ZBTB44: variants seen among roughly 807,000 people sequenced by gnomAD.
The protein encoded by ZBTB44 is zinc finger and BTB domain-containing protein 44.
Under a neutral mutation model 54.0 loss-of-function variants are expected in ZBTB44, and 15 were observed. The observed-to-expected ratio is 0.28, with a 90% CI of 0.19 to 0.43. ZBTB44 has a LOEUF of 0.43. Ranked by LOEUF, ZBTB44 falls within the 20% of genes least tolerant of loss-of-function variation. The pLI, the probability that ZBTB44 is intolerant of heterozygous loss-of-function variation, is 1.00. For synonymous variants in ZBTB44, 230 were observed against 250.1 expected (o/e 0.92, Z 0.76); for missense variants, 487 against 707.1 (o/e 0.69, Z 3.53).
Position 130,242,071 on chromosome 11 carries a change from AT to A in ZBTB44, c.1019-2176del, listed in dbSNP as rs563138967. ...CATTTGCTTTCTGAACATTCTGGCT[AT>A]TTTTTGACTTCTGCATTCCTGTATA... On this transcript the variant is annotated intron_variant, in intron 2 of 7. Coordinates refer to ENST00000357899, the MANE Select transcript of ZBTB44 (RefSeq NM_001301098.2). 4.3e-4 allele frequency among the ~76,000 whole-genome samples: 66 copies of A among 152,304 alleles called. No homozygotes were observed. In the South Asian group the frequency reaches 0.013, roughly 29 times the overall value.
chr11:130,257,091 A>G lies in ZBTB44; in HGVS notation c.1018+3765T>C, dbSNP rs184409657. 1.2e-4 allele frequency among the ~76,000 whole-genome samples: 19 copies of G among 152,222 alleles called. No individual in the cohort carries two copies. The East Asian group carries it at 2.9e-3, about 23-fold the overall frequency. ...AGCAAAGTCTCGGGATACAAAATCA[A>G]TGTGCAAAAATCACAAGCGTTCCTA... On this transcript the variant is annotated intron_variant, in intron 2 of 7. Transcript: ENST00000357899.
At position 130,261,481 on chromosome 11, in the gene ZBTB44, A is replaced by T. The variant is rs1938862794; in HGVS notation, c.393T>A (p.Asn131Lys). 1.2e-6 allele frequency: 2 copies of T among 1,613,874 alleles called. No individual in the cohort carries two copies. The highest frequency in any genetic ancestry group is 1.7e-5 in the Admixed American group (1 of 60,008). Residue 131 changes from asparagine to lysine, a missense_variant, in exon 2 of 8, where the codon AAT becomes AAA. Physicochemically the swap from Asn to Lys is moderately conservative, Grantham distance 94. Transcript: ENST00000357899. The surrounding 1 kb of genome is among the most constrained non-coding windows in gnomAD (Gnocchi z 4.8). ...SEFMKSSILW[N>K]TPNSQPEKGL... Reference sequence around the variant, plus strand: ...CCTTTTCAGGTTGGCTGTTGGGTGTATTCCATAAAATGCTTGATTTCATGA... The same window carrying T: ...CCTTTTCAGGTTGGCTGTTGGGTGTTTTCCATAAAATGCTTGATTTCATGA...
intron 2 of ZBTB44, among the ~76,000 whole-genome samples, chr11:130,245,099 T>C (rs976518217): frequency 6.6e-6 from 1 of 152,170 alleles, no homozygotes; most frequent in Admixed American, 6.5e-5. Context: ...CTTTTGAAAA[T>C]ACGCAGGACT....
In ZBTB44 at chr11:130,314,521, G is replaced by A. The variant is rs759275780; in HGVS notation, c.-203C>T. The A allele has an allele frequency of 6.6e-6, 1 of 152,456 alleles. No individual in the cohort carries two copies. Among genetic ancestry groups the A allele is most frequent in the Non-Finnish European group, 1.5e-5 (1 of 67,928 alleles). 9.4% of individuals were successfully genotyped at this position (152,456 alleles called of 1,614,324 possible). A position where few individuals can be genotyped will look rare whatever the true frequency, so the allele number is the denominator to read the frequency against. On this transcript the variant is annotated 5_prime_UTR_variant, in exon 1 of 8. Transcript: ENST00000357899. Reference sequence around the variant, plus strand: ...TCTCTCCTCCCCCGGGAGGCTCAGGGGCCCCTATCTCGGGCCGCCGCGCCT... The same window carrying A: ...TCTCTCCTCCCCCGGGAGGCTCAGGAGCCCCTATCTCGGGCCGCCGCGCCT...
intron 1 of ZBTB44, among the ~76,000 whole-genome samples, chr11:130,286,733 G>A (rs1002647953): frequency 6.6e-6 from 1 of 152,168 alleles, no homozygotes; most frequent in Admixed American, 6.5e-5. Flanking sequence ...TGTCCACTAG[G>A]TAGAACAACA....
At chr11:130,241,833 G>C (rs7933236) in intron 2 of ZBTB44, among the ~76,000 whole-genome samples, 6,076 of 152,072 alleles carry the variant, frequency 0.04, 297 homozygotes, top group African/African-American at 0.11. Context: ...TAACCCATTG[G>C]AGTTGACTTT....
chr11:130,313,910 G>GTA (rs1390727860), intron 1 of ZBTB44, among the ~76,000 whole-genome samples: 1 of 133,018 alleles, frequency 7.5e-6, no homozygotes, highest in African/African-American at 2.7e-5. Flanking sequence ...GAAAAGAGGT[G>GTA]TGTGTGTGTG....
intron 1 of ZBTB44, among the ~76,000 whole-genome samples, chr11:130,294,865 G>A (rs1051279569): frequency 2.4e-4 from 36 of 152,184 alleles, no homozygotes; most frequent in Admixed American, 2.2e-3. Context: ...CTCCTTACAT[G>A]AGCAAGTAAA....
chr11:130,250,457 G>A (rs1402879647), intron 2 of ZBTB44, among the ~76,000 whole-genome samples: 1 of 152,166 alleles, frequency 6.6e-6, no homozygotes, highest in African/African-American at 2.4e-5. Context: ...CCTCAAGTGG[G>A]TCCCTGACCC....
intron 1 of ZBTB44, among the ~76,000 whole-genome samples, chr11:130,289,430 C>T (rs898228998): frequency 6.7e-6 from 1 of 148,316 alleles, no homozygotes; most frequent in African/African-American, 2.5e-5. Context: ...TGCAGTGAGC[C>T]GAGATCCCAC....
chr11:130,247,625 T>C (rs1187381196), intron 2 of ZBTB44, among the ~76,000 whole-genome samples: 5 of 152,184 alleles, frequency 3.3e-5, no homozygotes, highest in Admixed American at 6.5e-5. Context: ...GATTAGTTCA[T>C]CTGAACTGGC....
chr11:130,233,113 A>T, intron 7 of ZBTB44, 195 bp downstream of exon 7: 1 of 544,530 alleles, frequency 1.8e-6, no homozygotes, highest in Non-Finnish European at 3.2e-6. Context: ...TATATATAAA[A>T]TATAGAATAT....
intron 4 of ZBTB44, 94 bp from the exon 5 acceptor site, chr11:130,237,187 G>A (rs963795606): frequency 2.4e-6 from 3 of 1,247,664 alleles, no homozygotes; most frequent in East Asian, 2.9e-5. Context: ...TGTAGCAACA[G>A]ATCATCTGAA....
intron 2 of ZBTB44, among the ~76,000 whole-genome samples, chr11:130,251,650 C>T (rs1938014734): frequency 6.6e-6 from 1 of 152,140 alleles, no homozygotes; most frequent in Admixed American, 6.5e-5. Flanking sequence ...ATTTTCAATC[C>T]AGAATTTCAT....
chr11:130,240,041 ATTTTTT>A, intron 2 of ZBTB44, 145 bp from the exon 3 acceptor site: 3 of 321,406 alleles, frequency 9.3e-6, no homozygotes, highest in African/African-American at 2.4e-5. Context: ...AGTGTTCTAC[ATTTTTT>A]TTTTTTTTTT....
chr11:130,302,800 C>T (rs1942056688), intron 1 of ZBTB44, among the ~76,000 whole-genome samples: 1 of 152,118 alleles, frequency 6.6e-6, no homozygotes, highest in South Asian at 2.1e-4. Flanking sequence ...TGGTGAAACC[C>T]CGTCTCTACT....
At chr11:130,274,740 T>A (rs1939934524) in intron 1 of ZBTB44, among the ~76,000 whole-genome samples, 3 of 152,214 alleles carry the variant, frequency 2.0e-5, no homozygotes, top group African/African-American at 4.8e-5. Flanking sequence ...TTTAAAAAAA[T>A]ATGTTGTGGG....
intron 3 of ZBTB44, 181 bp from the exon 4 acceptor site, chr11:130,238,788 C>CTTTTTT (rs1565644578): frequency 1.5e-6 from 1 of 661,692 alleles, no homozygotes; most frequent in Admixed American, 3.7e-5. Flanking sequence ...TCCAGAATGC[C>CTTTTTT]TTTTGTTTTT....
chr11:130,244,843 G>C (rs1204192004), intron 2 of ZBTB44, among the ~76,000 whole-genome samples: 1 of 152,022 alleles, frequency 6.6e-6, no homozygotes. Flanking sequence ...CACTTGAATT[G>C]CTGTCATTAG....
Sources: gnomAD v4.1 joint callset for allele counts (sites outside exome capture counted in the v4.1 genomes callset) on GRCh38, gnomAD v4.1.1 for gene constraint, Gnocchi (gnomAD v3.1) non-coding constraint, MANE v1.5 for transcripts, NCBI Gene and HGNC (gene_info 2026-07-23, HGNC 2026-07-21) for gene names.